SLC2A14: variants seen among roughly 807,000 people sequenced by gnomAD.
The protein encoded by SLC2A14 is solute carrier family 2, facilitated glucose transporter member 14.
Under a neutral mutation model 43.0 loss-of-function variants are expected in SLC2A14, and 13 were observed. The observed-to-expected ratio is 0.30, with a 90% CI of 0.20 to 0.48. The LOEUF (loss-of-function observed/expected upper bound fraction) is 0.48, where lower values mean the gene tolerates loss of function less well. Among genes scored for constraint, SLC2A14 ranks in the 20% least tolerant of loss-of-function variants. The pLI is 0.99. For missense variants in SLC2A14, 428 were observed against 620.4 expected, an observed-to-expected ratio of 0.69 and a Z score of 3.29; for synonymous variants, 190 against 233.8, an observed-to-expected ratio of 0.81 and a Z score of 1.71.
rs534614595 is a variant in SLC2A14 at position 7,813,690 on chromosome 12, T to G, written c.*626A>C. Reference sequence around the variant, plus strand: ...TGAACAACATTTCTCCCTGAATTCTTATTGCACCTTAACCTCTCCAGCATC... The same window carrying G: ...TGAACAACATTTCTCCCTGAATTCTGATTGCACCTTAACCTCTCCAGCATC... On this transcript the variant is annotated 3_prime_UTR_variant, in exon 11 of 11. Coordinates refer to ENST00000431042, the MANE Select transcript of SLC2A14 (RefSeq NM_001286234.2). 5.8e-4 allele frequency: 89 copies of G among 153,464 alleles called. No individual in the cohort carries two copies. The highest frequency in any genetic ancestry group is 1.5e-3 in the Admixed American group (23 of 15,590). 9.5% of individuals were successfully genotyped at this position (153,464 alleles called of 1,614,324 possible). A position where few individuals can be genotyped will look rare whatever the true frequency, so the allele number is the denominator to read the frequency against.
upstream of SLC2A14, among the ~76,000 whole-genome samples, chr12:7,875,931 G>A (rs1038910855): frequency 1.6e-4 from 25 of 151,844 alleles, no homozygotes; most frequent in Non-Finnish European, 3.4e-4. Flanking sequence ...AGCTGAGATC[G>A]TGCCACTACA....
chr12:7,873,254 G>C, upstream of SLC2A14: 2 of 985,554 alleles, frequency 2.0e-6, no homozygotes, highest in South Asian at 9.4e-5. Context: ...AAAGATACCC[G>C]AGCCCCTCAC....
chr12:7,814,820 G>T (rs1268426928), intron 10 of SLC2A14, among the ~76,000 whole-genome samples: 1 of 151,664 alleles, frequency 6.6e-6, no homozygotes, highest in Non-Finnish European at 1.5e-5. Context: ...ATTATTTGGA[G>T]ATGGAGTCTC....
intron 1 of SLC2A14, among the ~76,000 whole-genome samples, chr12:7,885,796 G>A (rs1447444241): frequency 6.6e-6 from 1 of 151,896 alleles, no homozygotes; most frequent in African/African-American, 2.4e-5. Flanking sequence ...GCTCATCGTG[G>A]AAAAAGGAGT....
intron 7 of SLC2A14, among the ~76,000 whole-genome samples, chr12:7,822,399 G>A (rs1293808652): frequency 6.6e-6 from 1 of 151,836 alleles, no homozygotes; most frequent in African/African-American, 2.4e-5. Context: ...TGGGTGCAGT[G>A]GCTCACGCCT....
chr12:7,888,187 C>A (rs2121127486), intron 1 of SLC2A14, among the ~76,000 whole-genome samples: 1 of 152,216 alleles, frequency 6.6e-6, no homozygotes, highest in Middle Eastern at 3.4e-3. Flanking sequence ...TTCATTATAG[C>A]ACTTAGGAAA....
At chr12:7,888,241 T>C (rs1442199419) in intron 1 of SLC2A14, among the ~76,000 whole-genome samples, 10 of 152,090 alleles carry the variant, frequency 6.6e-5, no homozygotes, top group Admixed American at 6.6e-5. Flanking sequence ...AATGTGAACC[T>C]ACCCTTTTGG....
At chr12:7,837,394 C>G (rs1265583594) in intron 2 of SLC2A14, among the ~76,000 whole-genome samples, 2 of 152,056 alleles carry the variant, frequency 1.3e-5, no homozygotes, top group Non-Finnish European at 2.9e-5. Context: ...CACTTGTAAT[C>G]TTTGGGAGGC....
At chr12:7,821,694 A>AT (rs1863921283) in intron 7 of SLC2A14, among the ~76,000 whole-genome samples, 1 of 152,072 alleles carries the variant, frequency 6.6e-6, no homozygotes, top group Admixed American at 6.6e-5. Context: ...ATATCCCTGA[A>AT]TTATCTTCTG....
chr12:7,828,621 G>T, intron 6 of SLC2A14, 83 bp downstream of exon 6: 1 of 1,403,542 alleles, frequency 7.1e-7, no homozygotes, highest in Non-Finnish European at 9.9e-7. Flanking sequence ...GAAAGGGTAC[G>T]ACAGAAAATA....
At chr12:7,849,821 C>T (rs1866773902) in intron 2 of SLC2A14, among the ~76,000 whole-genome samples, 2 of 149,444 alleles carry the variant, frequency 1.3e-5, no homozygotes, top group South Asian at 2.1e-4. Flanking sequence ...AGGAGAATCG[C>T]TTGAACCTGG....
chr12:7,865,352 A>C (rs1277456242), intron 2 of SLC2A14, among the ~76,000 whole-genome samples: 1 of 152,034 alleles, frequency 6.6e-6, no homozygotes, highest in East Asian at 1.9e-4. Context: ...CCTGGCTAAC[A>C]TGGTGGAACC....
intron 1 of SLC2A14, among the ~76,000 whole-genome samples, chr12:7,880,458 A>G: frequency 7.1e-6 from 1 of 140,222 alleles, no homozygotes; most frequent in South Asian, 2.4e-4. Flanking sequence ...TTAGGCAACA[A>G]AGCAAGACTC....
At chr12:7,830,922 G>A (rs1043655585) in intron 4 of SLC2A14, among the ~76,000 whole-genome samples, 10 of 151,946 alleles carry the variant, frequency 6.6e-5, no homozygotes, top group African/African-American at 1.2e-4. Flanking sequence ...TCAGGAGTTC[G>A]AGACTAGCAT....
intron 1 of SLC2A14, among the ~76,000 whole-genome samples, chr12:7,888,168 A>G (rs769733122): frequency 3.6e-4 from 55 of 152,088 alleles, no homozygotes; most frequent in Non-Finnish European, 7.2e-4. Context: ...CCTATCCTCC[A>G]TTTGATTCTT....
At chr12:7,844,822 C>A (rs770956562) in intron 2 of SLC2A14, among the ~76,000 whole-genome samples, 141 of 152,198 alleles carry the variant, frequency 9.3e-4, no homozygotes, top group African/African-American at 3.3e-3. Context: ...AGGTGTGAGC[C>A]ACCGCACCGG....
chr12:7,880,619 G>A (rs1319438323), intron 1 of SLC2A14, among the ~76,000 whole-genome samples: 1 of 149,046 alleles, frequency 6.7e-6, no homozygotes, highest in East Asian at 2.0e-4. Flanking sequence ...ACGAGGTCAG[G>A]AGATCGAGAC....
intron 5 of SLC2A14, among the ~76,000 whole-genome samples, chr12:7,829,554 CAA>C (rs36068117): frequency 3.8e-4 from 55 of 144,050 alleles, no homozygotes; most frequent in Admixed American, 7.7e-4. Context: ...AACTCCCTCT[CAA>C]AAAAAAAAAA....
intron 8 of SLC2A14, among the ~76,000 whole-genome samples, chr12:7,820,955 C>T (rs1045677031): frequency 6.6e-6 from 1 of 151,914 alleles, no homozygotes; most frequent in African/African-American, 2.4e-5. Context: ...GGCGTGGTGG[C>T]GCACACCTGT....
Sources: gnomAD v4.1 joint callset for allele counts (sites outside exome capture counted in the v4.1 genomes callset) on GRCh38, gnomAD v4.1.1 for gene constraint, MANE v1.5 for transcripts, NCBI Gene and HGNC (gene_info 2026-07-23, HGNC 2026-07-21) for gene names.